SGCZ: variants seen among roughly 807,000 people sequenced by gnomAD.
SGCZ encodes the protein zeta-sarcoglycan.
In SGCZ, 40 loss-of-function variants were observed where a neutral mutation model predicts 41.3. The observed-to-expected ratio is 0.97, with a 90% confidence interval of 0.75 to 1.26. SGCZ has a LOEUF of 1.26. Ranked by LOEUF, SGCZ falls within the 50% of genes most tolerant of loss-of-function variation. The pLI, the probability that SGCZ is intolerant of heterozygous loss-of-function variation, is 0.00. For missense variants in SGCZ, 552 were observed against 369.8 expected, an observed-to-expected ratio of 1.49 and a Z score of -4.04; for synonymous variants, 206 against 137.5, an observed-to-expected ratio of 1.50 and a Z score of -3.49.
chr8:15,197,185 G>C (rs1275629987), intron 1 of SGCZ, among the ~76,000 whole-genome samples: 2 of 152,188 alleles, frequency 1.3e-5, no homozygotes, highest in Non-Finnish European at 2.9e-5. Context: ...GCCACACACA[G>C]TGTGCTTCAA....
intron 1 of SGCZ, among the ~76,000 whole-genome samples, chr8:14,599,741 T>A (rs1035723528): frequency 2.6e-4 from 40 of 152,212 alleles, no homozygotes; most frequent in African/African-American, 9.6e-4. Context: ...CTCTTTCTTT[T>A]TACTAAAGCT....
chr8:14,738,094 C>A (rs1295852040), intron 1 of SGCZ, among the ~76,000 whole-genome samples: 1 of 152,066 alleles, frequency 6.6e-6, no homozygotes, highest in South Asian at 2.1e-4. Context: ...GACAGCCACA[C>A]GATATTGCTC....
At chr8:15,004,103 A>G (rs2130914833) in intron 1 of SGCZ, among the ~76,000 whole-genome samples, 1 of 152,226 alleles carries the variant, frequency 6.6e-6, no homozygotes, top group Admixed American at 6.5e-5. Flanking sequence ...CTGTGCAGAA[A>G]GAAAGGCTCC....
At chr8:14,311,750 C>G (rs975685705) in intron 3 of SGCZ, among the ~76,000 whole-genome samples, 1 of 152,048 alleles carries the variant, frequency 6.6e-6, no homozygotes, top group Non-Finnish European at 1.5e-5. Context: ...TTTGAATATA[C>G]GAATCATTCA....
At chr8:14,155,487 C>T (rs1462309654) in intron 5 of SGCZ, among the ~76,000 whole-genome samples, 1 of 151,928 alleles carries the variant, frequency 6.6e-6, no homozygotes, top group African/African-American at 2.4e-5. Flanking sequence ...AATCATGTCT[C>T]ATATCATTTT....
At chr8:14,551,586 T>C (rs1585072323) in intron 2 of SGCZ, among the ~76,000 whole-genome samples, 2 of 48,844 alleles carry the variant, frequency 4.1e-5, no homozygotes, top group African/African-American at 2.1e-4. Flanking sequence ...ATATAATATA[T>C]ATAATATATA....
intron 2 of SGCZ, among the ~76,000 whole-genome samples, chr8:14,518,301 T>C (rs1361813088): frequency 6.6e-6 from 1 of 152,116 alleles, no homozygotes; most frequent in African/African-American, 2.4e-5. Context: ...CATATTCTAA[T>C]ATTTATATGT....
chr8:14,401,265 T>G (rs1275806888), intron 2 of SGCZ, among the ~76,000 whole-genome samples: 1 of 149,314 alleles, frequency 6.7e-6, no homozygotes, highest in Non-Finnish European at 1.5e-5. Flanking sequence ...TACATATATA[T>G]AGTTTTATTT....
At position 14,489,866 on chromosome 8, in the gene SGCZ, C is replaced by CATTTT. The variant is rs142314868; in HGVS notation, c.234+64865_234+64866insAAAAT. ...ACTGGCTCGCCGAAAAATTCTCCTA[C>CATTTT]CTTTTTTTTTTTTTTCCTGAGATGG... On this transcript the variant is annotated intron_variant, in intron 2 of 7. Transcript: ENST00000382080. Among the ~76,000 whole-genome samples, 27 of 137,524 alleles carry CATTTT rather than the reference C, an allele frequency of 2.0e-4. 1 individual carries two copies. Among genetic ancestry groups the CATTTT allele is most frequent in the South Asian group, 4.5e-4 (2 of 4,442 alleles). 90.2% of individuals were successfully genotyped at this position (137,524 alleles called of 152,430 possible).
intron 2 of SGCZ, among the ~76,000 whole-genome samples, chr8:14,500,083 C>T (rs763928228): frequency 6.6e-6 from 1 of 152,040 alleles, no homozygotes; most frequent in Non-Finnish European, 1.5e-5. Context: ...CTTGAAAACA[C>T]GGAGAGGGGA....
chr8:14,158,776 T>G (rs1042391797), intron 5 of SGCZ, among the ~76,000 whole-genome samples: 1 of 152,252 alleles, frequency 6.6e-6, no homozygotes, highest in Middle Eastern at 3.4e-3. Flanking sequence ...TTTTCTATGT[T>G]TGCTTGTTTT....
Position 14,776,315 on chromosome 8 carries a change from C to T in SGCZ, c.40-221389G>A, listed in dbSNP as rs118184274. Among the ~76,000 whole-genome samples, 25 of 152,002 alleles carry T rather than the reference C, an allele frequency of 1.6e-4. No individual in the cohort carries two copies. In the East Asian group the frequency reaches 4.9e-3, roughly 30 times the overall value. On this transcript the variant is annotated intron_variant, in intron 1 of 7. Transcript: ENST00000382080. ...TACTGTTATTGTGGTAATGAGTAAG[C>T]CTCATGAGATCTAATGGTTTTATAA...
chr8:14,236,809 T>C (rs1806779390), intron 4 of SGCZ, among the ~76,000 whole-genome samples: 2 of 151,618 alleles, frequency 1.3e-5, no homozygotes, highest in South Asian at 4.2e-4. Context: ...TACAAATTAC[T>C]TCTTATTTGC....
In SGCZ at chr8:14,656,348, CTCCT is replaced by C. The variant is rs1262779442; in HGVS notation, c.40-101426_40-101423del. The stretch of plus-strand genomic sequence containing the variant: ...CCTCCTCTATCCCTCCCTTCCTTCT[CTCCT>C]TCCTTCTTCCTTTTCTTTTCGTTTT... On this transcript the variant is annotated intron_variant, in intron 1 of 7. Transcript: ENST00000382080. 2.7e-5 allele frequency among the ~76,000 whole-genome samples: 4 copies of C among 150,286 alleles called. No individual in the cohort carries two copies. In the East Asian group the frequency reaches 8.0e-4, roughly 30 times the overall value.
intron 2 of SGCZ, among the ~76,000 whole-genome samples, chr8:14,551,620 A>G (rs1441801062): frequency 1.5e-5 from 1 of 67,064 alleles, no homozygotes; most frequent in African/African-American, 6.9e-5. Context: ...ATATATACAT[A>G]AAATATATAT....
intron 1 of SGCZ, among the ~76,000 whole-genome samples, chr8:15,085,185 G>C (rs1279548284): frequency 6.6e-6 from 1 of 152,070 alleles, no homozygotes; most frequent in Non-Finnish European, 1.5e-5. Flanking sequence ...TTTGACCCAG[G>C]TTTATTTAAC....
At chr8:14,322,230 T>C (rs1363412020) in intron 3 of SGCZ, among the ~76,000 whole-genome samples, 8 of 152,232 alleles carry the variant, frequency 5.3e-5, no homozygotes, top group African/African-American at 1.9e-4. Flanking sequence ...TGGCTACCAA[T>C]GTGCCTGCCC....
At chr8:14,405,678 T>C (rs1019361360) in intron 2 of SGCZ, among the ~76,000 whole-genome samples, 3 of 152,194 alleles carry the variant, frequency 2.0e-5, no homozygotes, top group Admixed American at 1.3e-4. Flanking sequence ...TTTGTGACCA[T>C]ATCAAAGCCT....
intron 2 of SGCZ, among the ~76,000 whole-genome samples, chr8:14,463,175 A>G (rs1057075382): frequency 2.0e-5 from 3 of 151,420 alleles, no homozygotes; most frequent in African/African-American, 7.3e-5. Flanking sequence ...TTATTTTTAC[A>G]TATTTCTCTG....
Sources: allele counts gnomAD v4.1 joint callset (sites outside exome capture counted in the v4.1 genomes callset), GRCh38; gene constraint gnomAD v4.1.1; transcripts MANE v1.5; gene names NCBI Gene and HGNC (gene_info 2026-07-23, HGNC 2026-07-21).